The following MYH15 variants were observed in gnomAD, a reference collection of about 807,000 sequenced individuals.
MYH15 encodes the protein myosin heavy chain 15, also known as myosin-15.
A neutral mutation model predicts 240.5 loss-of-function variants in MYH15; 227 were observed. That is an observed-to-expected ratio of 0.94 (90% CI 0.85 to 1.05). MYH15 has a LOEUF of 1.05. Among genes scored for constraint, MYH15 ranks in the 50% least tolerant of loss-of-function variants. MYH15 has a pLI of 0.00. For missense variants in MYH15, 2,217 were observed against 2,247.5 expected (o/e 0.99, Z 0.27); for synonymous variants, 785 against 796.7 (o/e 0.99, Z 0.25).
chr3:108,449,792 A>G (rs185592761), intron 21 of MYH15, among the ~76,000 whole-genome samples: 20 of 152,186 alleles, frequency 1.3e-4, no homozygotes, highest in Admixed American at 1.2e-3. Flanking sequence ...GGAGAAGACA[A>G]CCTATGGAAT....
intron 5 of MYH15, among the ~76,000 whole-genome samples, 184 bp from the exon 6 acceptor site, chr3:108,498,329 G>C (rs544085982): frequency 1.4e-3 from 210 of 152,318 alleles, no homozygotes; most frequent in Admixed American, 4.0e-3. Flanking sequence ...GACATTTCAG[G>C]CTGGAAAAAC....
intron 23 of MYH15, among the ~76,000 whole-genome samples, chr3:108,440,734 C>T (rs2082878042): frequency 6.7e-6 from 1 of 148,178 alleles, no homozygotes; most frequent in African/African-American, 2.5e-5. Context: ...CCCGATGAAA[C>T]CATTTTACTC....
At chr3:108,529,395 T>C (rs1344834171), upstream of MYH15, 4 of 713,740 alleles carry the variant, frequency 5.6e-6, no homozygotes, top group Non-Finnish European at 4.8e-6. Flanking sequence ...GGGAAATCTG[T>C]GAATAAAGAG....
intron 9 of MYH15, among the ~76,000 whole-genome samples, chr3:108,487,316 A>T (rs62268051): frequency 6.6e-6 from 1 of 152,114 alleles, no homozygotes; most frequent in Non-Finnish European, 1.5e-5. Flanking sequence ...TCCAAATCTC[A>T]GAAACAAAGA....
At chr3:108,533,432 A>C (rs1389160694), upstream of MYH15, among the ~76,000 whole-genome samples, 2 of 152,216 alleles carry the variant, frequency 1.3e-5, no homozygotes, top group Non-Finnish European at 2.9e-5. Context: ...GAATTAAATT[A>C]AAATGTGACC....
At chr3:108,477,124 G>A (rs1025093678) in intron 11 of MYH15, among the ~76,000 whole-genome samples, 7 of 152,110 alleles carry the variant, frequency 4.6e-5, no homozygotes, top group African/African-American at 7.2e-5. Context: ...CATATAATAC[G>A]ATATTGCTAG....
At chr3:108,547,041 T>TA in the MYH15 span, among the ~76,000 whole-genome samples, 1,058 of 151,886 alleles carry the variant, frequency 7.0e-3, 5 homozygotes, top group African/African-American at 0.024. Flanking sequence ...ATTCACAACA[T>TA]AAAAAATCAA....
At chr3:108,472,334 A>G (rs2083184701) in intron 12 of MYH15, among the ~76,000 whole-genome samples, 1 of 152,214 alleles carries the variant, frequency 6.6e-6, no homozygotes, top group Non-Finnish European at 1.5e-5. Flanking sequence ...CAATCACTTA[A>G]CATTTAAAAT....
intron 11 of MYH15, among the ~76,000 whole-genome samples, chr3:108,481,642 A>G (rs939910119): frequency 5.3e-5 from 8 of 152,136 alleles, no homozygotes; most frequent in African/African-American, 1.7e-4. Context: ...CTGCAATAGG[A>G]GTGCTTACAT....
In MYH15 at chr3:108,428,662, C is replaced by T. The variant is rs1386435836; in HGVS notation, c.3532G>A (p.Glu1178Lys). The T allele has an allele frequency of 6.2e-7, 1 of 1,613,684 alleles. No individual in the cohort carries two copies. The highest frequency in any genetic ancestry group is 1.3e-5 in the African/African-American group (1 of 74,794). Residue 1178 changes from glutamate to lysine, a missense_variant, in exon 27 of 41, where the codon GAG (glutamate) becomes AAG (lysine). Coordinates refer to ENST00000693548, the MANE Select transcript of MYH15 (RefSeq NM_014981.3). ...RDMEEATLHF[E>K]TTSASLKKRH... ...TTCTTCAAAGATGCAGAAGTTGTCTCAAAGTGCAGAGTGGCCTCTTCCATG... is the reference window on the plus strand; with the variant it reads ...TTCTTCAAAGATGCAGAAGTTGTCTTAAAGTGCAGAGTGGCCTCTTCCATG...
intron 12 of MYH15, among the ~76,000 whole-genome samples, chr3:108,473,035 T>C (rs1246886362): frequency 6.6e-6 from 1 of 152,054 alleles, no homozygotes; most frequent in Non-Finnish European, 1.5e-5. Flanking sequence ...TGAGACAGAG[T>C]GTTGCTCTGT....
chr3:108,390,215 G>A (rs2082413823), intron 37 of MYH15, among the ~76,000 whole-genome samples: 1 of 152,062 alleles, frequency 6.6e-6, no homozygotes, highest in Non-Finnish European at 1.5e-5. Flanking sequence ...GCAAATCCTA[G>A]ACATTATGTA....
chr3:108,437,573 G>C lies in MYH15; in HGVS notation c.3202C>G (p.Leu1068Val). ...MENLESSQRH[L>V]AEELRKKELE... The stretch of plus-strand genomic sequence containing the variant: ...GCTTACTTCCTCAGCTCTTCTGCCA[G>C]GTGTCGCTGGCTGCTTTCCAGGTTC... Residue 1068 changes from leucine to valine, a missense_variant, in exon 25 of 41, where the codon CTG (leucine) becomes GTG (valine). Physicochemically the swap from Leu to Val is conservative, Grantham distance 32 (BLOSUM62 1). Transcript: ENST00000693548. 1 of 1,613,684 alleles carries C rather than the reference G, an allele frequency of 6.2e-7. No individual in the cohort carries two copies. Among genetic ancestry groups the C allele is most frequent in the Non-Finnish European group, 8.5e-7 (1 of 1,179,850 alleles).
intron 33 of MYH15, among the ~76,000 whole-genome samples, chr3:108,401,649 C>T (rs2082506832): frequency 6.6e-6 from 1 of 152,220 alleles, no homozygotes; most frequent in South Asian, 2.1e-4. Context: ...GCATCCCCAG[C>T]CTGGTGTCAA....
intron 26 of MYH15, 73 bp from the exon 27 acceptor site, chr3:108,428,954 C>G (rs962268925): frequency 1.4e-6 from 2 of 1,421,780 alleles, no homozygotes; most frequent in African/African-American, 2.9e-5. Context: ...TTTTTAATCA[C>G]AAAGCTAACA....
At chr3:108,440,286 C>T (rs1049668266) in intron 23 of MYH15, among the ~76,000 whole-genome samples, 1 of 152,076 alleles carries the variant, frequency 6.6e-6, no homozygotes, top group Non-Finnish European at 1.5e-5. Flanking sequence ...GGAGTCATGG[C>T]ATGTACTGAT....
At position 108,464,732 on chromosome 3, in the gene MYH15, T is replaced by C; in HGVS notation, c.1637A>G (p.Asp546Gly). The change falls in exon 15 of 41, where the codon GAC becomes GGC. Residue 546 changes from aspartate (D) to glycine (G), a missense_variant. By Grantham distance (94) the Asp-to-Gly change is moderately conservative (BLOSUM62 -1). Coordinates refer to ENST00000693548, the MANE Select transcript of MYH15 (RefSeq NM_014981.3). The stretch of plus-strand genomic sequence containing the variant: ...ATGAACCGACTTTCCAAAATGGTTG[T>C]CAAAGAGTTTGGTCTTGAAAGTCAG... ...TDLTFKTKLF[D>G]NHFGKSVHLQ... The C allele has an allele frequency of 1.9e-6, 3 of 1,614,000 alleles. No individual in the cohort carries two copies. Among genetic ancestry groups the C allele is most frequent in the East Asian group, 2.2e-5 (1 of 44,880 alleles).
chr3:108,440,949 A>C (rs747917014), intron 23 of MYH15, 69 bp downstream of exon 23: 3 of 1,585,742 alleles, frequency 1.9e-6, no homozygotes, highest in Non-Finnish European at 1.7e-6. Context: ...CAAGTCAGAT[A>C]CCAAAACCTG....
rs1467456533 is a variant in MYH15 at position 108,383,522 on chromosome 3, T to C, written c.5766+73A>G. ...GAGAAAAACAAATTTCTTGTTATAC[T>C]GGTCCATGCAATGACATCAGCCCTA... On this transcript the variant is annotated intron_variant, in intron 40 of 40. Transcript: ENST00000693548. 4 of 1,482,152 alleles carry C rather than the reference T, an allele frequency of 2.7e-6. No individual in the cohort carries two copies. In the African/African-American group the frequency reaches 5.7e-5, roughly 21 times the overall value. The allele number at this position is 1,482,152 out of a possible 1,614,324, so 91.8% of individuals were successfully genotyped here. A position where few individuals can be genotyped will look rare whatever the true frequency, so the allele number is the denominator to read the frequency against.
Sources: gnomAD v4.1 joint callset for allele counts (sites outside exome capture counted in the v4.1 genomes callset) on GRCh38, gnomAD v4.1.1 for gene constraint, MANE v1.5 for transcripts, NCBI Gene and HGNC (gene_info 2026-07-23, HGNC 2026-07-21) for gene names.